The following MALRD1 variants were observed in gnomAD, a reference collection of about 807,000 sequenced individuals.
MALRD1 encodes the protein MAM and LDL receptor class A domain containing 1.
In MALRD1, 247 loss-of-function variants were observed where a neutral mutation model predicts 242.1. The ratio of observed to expected loss-of-function variants is 1.02; its 90% CI spans 0.92 to 1.13. The LOEUF (loss-of-function observed/expected upper bound fraction) is 1.13. Among genes scored for constraint, MALRD1 ranks in the 50% most tolerant of loss-of-function variants. The pLI is 0.00. For synonymous variants in MALRD1, 995 were observed against 866.6 expected, an observed-to-expected ratio of 1.15 and a Z score of -2.60; for missense variants, 2,989 against 2,533.1, an observed-to-expected ratio of 1.18 and a Z score of -3.86.
At chr10:19,098,564 C>A (rs987145791) in intron 4 of MALRD1, among the ~76,000 whole-genome samples, 3 of 152,208 alleles carry the variant, frequency 2.0e-5, no homozygotes, top group African/African-American at 4.8e-5. Context: ...TTACTCTCAT[C>A]ATTTTGTGTC....
chr10:19,580,323 A>G (rs1260231366), intron 33 of MALRD1, among the ~76,000 whole-genome samples: 1 of 152,138 alleles, frequency 6.6e-6, no homozygotes, highest in Admixed American at 6.6e-5. Flanking sequence ...GGTAAAAGCG[A>G]TAACTCTTTT....
Position 19,051,993 on chromosome 10 carries a change from A to G in MALRD1, c.199+2856A>G, listed in dbSNP as rs547466737. The G allele has an allele frequency of 3.6e-5, 11 of 302,994 alleles. No homozygotes were observed. In the South Asian group the frequency reaches 3.7e-4, roughly 10 times the overall value. The allele number at this position is 302,994 out of a possible 1,614,324, so 18.8% of individuals were successfully genotyped here. A position where few individuals can be genotyped will look rare whatever the true frequency, so the allele number is the denominator to read the frequency against. On this transcript the variant is annotated intron_variant, in intron 1 of 39. Coordinates refer to ENST00000454679, the MANE Select transcript of MALRD1 (RefSeq NM_001142308.3). Reference sequence around the variant, plus strand: ...CAGCCTTAAAATAGAATGTGGACCTAAATACTCAGAAGCACCGCCCATTGT... The same window carrying G: ...CAGCCTTAAAATAGAATGTGGACCTGAATACTCAGAAGCACCGCCCATTGT...
At position 19,683,484 on chromosome 10, in the gene MALRD1, A is replaced by G. The variant is rs78630426; in HGVS notation, c.6138-8798A>G. 2.8e-3 allele frequency among the ~76,000 whole-genome samples: 420 copies of G among 152,286 alleles called. 2 individuals carry two copies. The highest frequency in any genetic ancestry group is 9.8e-3 in the African/African-American group (407 of 41,558). On this transcript the variant is annotated intron_variant, in intron 36 of 39. Transcript: ENST00000454679. ...ACTTACTGCAGTTCGTAAATAGGAAACTGAATCTGCCTGACTCTCCCAAAG... is the reference window on the plus strand; with the variant it reads ...ACTTACTGCAGTTCGTAAATAGGAAGCTGAATCTGCCTGACTCTCCCAAAG...
At position 19,188,078 on chromosome 10, in the gene MALRD1, A is replaced by C. The variant is rs530938586; in HGVS notation, c.1951+12750A>C. On this transcript the variant is annotated intron_variant, in intron 14 of 39. Transcript: ENST00000454679. ...TGAGGACCATTTCAGCCGAGGCCTT[A>C]TGGGTGATTGTAAGGACACTAGCTT... is the stretch of plus-strand genomic sequence containing the variant. Among the ~76,000 whole-genome samples, 4 of 152,288 alleles carry C rather than the reference A, an allele frequency of 2.6e-5. No homozygotes were observed. The South Asian group carries it at 8.3e-4, about 32-fold the overall frequency.
chr10:19,439,369 C>T (rs996974662), intron 28 of MALRD1, among the ~76,000 whole-genome samples: 2 of 151,832 alleles, frequency 1.3e-5, no homozygotes, highest in East Asian at 1.9e-4. Context: ...GGTCTCTGCA[C>T]AAAAATAAAT....
At chr10:19,415,776 C>G (rs563084343) in intron 28 of MALRD1, among the ~76,000 whole-genome samples, 15 of 152,112 alleles carry the variant, frequency 9.9e-5, no homozygotes, top group Admixed American at 7.2e-4. Flanking sequence ...AGTGAAAAAC[C>G]CTGCTTTGTA....
intron 36 of MALRD1, among the ~76,000 whole-genome samples, chr10:19,631,767 A>G (rs1018219912): frequency 6.6e-6 from 1 of 152,068 alleles, no homozygotes; most frequent in African/African-American, 2.4e-5. Flanking sequence ...CTTCATATGC[A>G]TGTTGCCTGC....
intron 28 of MALRD1, among the ~76,000 whole-genome samples, chr10:19,390,857 A>G (rs1005949227): frequency 1.3e-5 from 2 of 152,220 alleles, no homozygotes; most frequent in Admixed American, 6.5e-5. Flanking sequence ...TCTGCCTAAT[A>G]AAATACATGT....
chr10:19,387,747 A>C lies in MALRD1; in HGVS notation c.4661A>C (p.Lys1554Thr), dbSNP rs1846148834. 6.5e-7 allele frequency: 1 copy of C among 1,549,710 alleles called. No homozygotes were observed. The highest frequency in any genetic ancestry group is 1.2e-5 in the South Asian group (1 of 83,914). ...TCTCATCAAAGCTTAAGACCTCCCA[A>C]AGACCACACACTTGGAAATGAAAAT... ...VGSHQSLRPPKDHTLGNENGH... is the reference protein window; with the variant it reads ...VGSHQSLRPPTDHTLGNENGH... Residue 1554 changes from lysine to threonine, a missense_variant, in exon 27 of 40, where the codon AAA (lysine) becomes ACA (threonine). By Grantham distance (78) the Lys-to-Thr change is moderately conservative. Transcript: ENST00000454679.
intron 14 of MALRD1, among the ~76,000 whole-genome samples, chr10:19,191,186 G>T (rs1468948708): frequency 6.6e-6 from 1 of 152,102 alleles, no homozygotes; most frequent in Non-Finnish European, 1.5e-5. Flanking sequence ...TATTTTAATG[G>T]ACATTTCTCC....
At chr10:19,658,726 A>G (rs1192408637) in intron 36 of MALRD1, among the ~76,000 whole-genome samples, 3 of 152,114 alleles carry the variant, frequency 2.0e-5, no homozygotes, top group African/African-American at 4.8e-5. Context: ...TTGAATTTCT[A>G]TTACTCTCTC....
At chr10:19,228,932 A>G (rs549562445) in intron 18 of MALRD1, among the ~76,000 whole-genome samples, 63 of 152,034 alleles carry the variant, frequency 4.1e-4, no homozygotes, top group African/African-American at 1.5e-3. Context: ...ATAAAATGCA[A>G]TTATTTACTC....
At chr10:19,345,257 G>A (rs10827294) in intron 24 of MALRD1, among the ~76,000 whole-genome samples, 94,218 of 151,602 alleles carry the variant, frequency 0.62, 29,479 homozygotes, top group African/African-American at 0.68. Context: ...TTACATGAAT[G>A]AAAATATCAA....
chr10:19,217,632 A>G (rs959878010), intron 18 of MALRD1, among the ~76,000 whole-genome samples: 1 of 150,854 alleles, frequency 6.6e-6, no homozygotes, highest in African/African-American at 2.4e-5. Flanking sequence ...TCCCAGGTTC[A>G]ACTGATTCTC....
chr10:19,249,474 A>G (rs890837827), intron 18 of MALRD1, among the ~76,000 whole-genome samples: 2 of 152,042 alleles, frequency 1.3e-5, no homozygotes, highest in Admixed American at 6.6e-5. Context: ...CACCAAGTGT[A>G]ACACCAACAG....
intron 29 of MALRD1, among the ~76,000 whole-genome samples, chr10:19,471,894 C>T (rs1836518548): frequency 6.6e-6 from 1 of 151,776 alleles, no homozygotes; most frequent in Non-Finnish European, 1.5e-5. Flanking sequence ...CTTTTTCTTT[C>T]AAATTTGGAT....
chr10:19,132,776 T>C (rs771285087), intron 8 of MALRD1, among the ~76,000 whole-genome samples: 12 of 152,184 alleles, frequency 7.9e-5, no homozygotes, highest in Non-Finnish European at 1.6e-4. Flanking sequence ...GTAAACATTA[T>C]GAACAATTTG....
intron 26 of MALRD1, among the ~76,000 whole-genome samples, chr10:19,371,241 C>A (rs1370369873): frequency 6.6e-6 from 1 of 151,820 alleles, no homozygotes; most frequent in Non-Finnish European, 1.5e-5. Context: ...CCAGTGAGAC[C>A]CTGTCTCTTA....
intron 4 of MALRD1, among the ~76,000 whole-genome samples, chr10:19,090,485 T>C (rs1835841342): frequency 1.4e-5 from 1 of 71,666 alleles, no homozygotes; most frequent in African/African-American, 6.9e-5. Flanking sequence ...AAGGAGATTT[T>C]GGGTTGAGAC....
Sources: gnomAD v4.1 joint callset for allele counts (sites outside exome capture counted in the v4.1 genomes callset) on GRCh38, gnomAD v4.1.1 for gene constraint, MANE v1.5 for transcripts, NCBI Gene and HGNC (gene_info 2026-07-23, HGNC 2026-07-21) for gene names.